MAPK10: variants seen among roughly 807,000 people sequenced by gnomAD.
The protein encoded by MAPK10 is JNK3 alpha protein kinase.
A neutral mutation model predicts 59.3 loss-of-function variants in MAPK10; 25 were observed. The observed-to-expected ratio is 0.42, with a 90% confidence interval of 0.31 to 0.59. The LOEUF (loss-of-function observed/expected upper bound fraction) is 0.59, where lower values mean the gene tolerates loss of function less well. MAPK10 is among the 20% of genes least tolerant of loss of function. The pLI is 0.15. For synonymous variants in MAPK10, 190 were observed against 200.5 expected (o/e 0.95, Z 0.44); for missense variants, 351 against 568.9 (o/e 0.62, Z 3.90).
chr4:86,140,082 G>A (rs1265947815), intron 4 of MAPK10, among the ~76,000 whole-genome samples: 2 of 116,276 alleles, frequency 1.7e-5, no homozygotes, highest in Non-Finnish European at 3.5e-5. Flanking sequence ...TACACTGTTG[G>A]TGGGACTGTA....
intron 1 of MAPK10, among the ~76,000 whole-genome samples, chr4:86,548,754 G>C (rs1759503596): frequency 1.3e-5 from 2 of 152,142 alleles, no homozygotes; most frequent in African/African-American, 4.8e-5. Flanking sequence ...GGTACTCTCA[G>C]TGCCACTCTG....
At chr4:86,223,253 T>C (rs1025320598) in intron 2 of MAPK10, among the ~76,000 whole-genome samples, 1 of 152,164 alleles carries the variant, frequency 6.6e-6, no homozygotes, top group Admixed American at 6.5e-5. Flanking sequence ...TCTGCCCAAA[T>C]TTGCAGTACA....
intron 2 of MAPK10, among the ~76,000 whole-genome samples, chr4:86,229,862 C>T (rs780681795): frequency 1.1e-4 from 16 of 151,974 alleles, no homozygotes; most frequent in Non-Finnish European, 1.9e-4. Flanking sequence ...TCAATACCAG[C>T]CTGGGCAACA....
At chr4:86,578,082 A>C (rs1352656728) in intron 1 of MAPK10, among the ~76,000 whole-genome samples, 1 of 152,080 alleles carries the variant, frequency 6.6e-6, no homozygotes, top group Non-Finnish European at 1.5e-5. Context: ...AAACACAGAA[A>C]ATTTAGTTAA....
At chr4:86,084,586 T>TA (rs1389937429) in intron 9 of MAPK10, among the ~76,000 whole-genome samples, 4 of 151,910 alleles carry the variant, frequency 2.6e-5, no homozygotes, top group East Asian at 1.9e-4. Flanking sequence ...AAAACACTGA[T>TA]AAAAAAATTG....
chr4:86,355,804 A>G lies in MAPK10; in HGVS notation c.-121-1160T>C, dbSNP rs560393603. On this transcript the variant is annotated intron_variant, in intron 1 of 13. Coordinates refer to ENST00000641462, the MANE Select transcript of MAPK10 (RefSeq NM_138982.4). ...TTCCGCCTACAAACACTGAATAAAC[A>G]TTGCCAAATAAACAGACCTAACCTA... 8.4e-4 allele frequency among the ~76,000 whole-genome samples: 128 copies of G among 152,314 alleles called. 3 individuals carry two copies. In the South Asian group the frequency reaches 0.026, roughly 31 times the overall value.
At chr4:86,548,932 CCGACTAAATATA>C (rs930077172) in intron 1 of MAPK10, among the ~76,000 whole-genome samples, 46 of 152,076 alleles carry the variant, frequency 3.0e-4, no homozygotes, top group African/African-American at 1.0e-3. Context: ...ACTGTAAGGC[CCGACTAAATATA>C]CGTTTTCACT....
At chr4:86,469,261 C>CAAA (rs1230601730) in intron 1 of MAPK10, among the ~76,000 whole-genome samples, 3 of 152,008 alleles carry the variant, frequency 2.0e-5, no homozygotes, top group Non-Finnish European at 2.9e-5. Flanking sequence ...AAAAACAAAA[C>CAAA]AAAACAGAAC....
At chr4:86,198,789 A>G (rs1299853413) in intron 2 of MAPK10, among the ~76,000 whole-genome samples, 2 of 151,772 alleles carry the variant, frequency 1.3e-5, no homozygotes, top group Non-Finnish European at 2.9e-5. Context: ...AAAGTAGTCC[A>G]CATGTTTGAA....
At chr4:86,296,880 C>G (rs1157176102) in intron 2 of MAPK10, among the ~76,000 whole-genome samples, 2 of 152,164 alleles carry the variant, frequency 1.3e-5, no homozygotes, top group East Asian at 3.9e-4. Context: ...TTCCTAGGAC[C>G]TTCTGCTTTC....
At chr4:86,358,067 A>G in intron 1 of MAPK10, 1 of 985,170 alleles carries the variant, frequency 1.0e-6, no homozygotes, top group Non-Finnish European at 1.2e-6. Context: ...CAAGGTAGAG[A>G]AGGAAATACA....
At chr4:86,174,027 T>C (rs1008266485) in intron 3 of MAPK10, among the ~76,000 whole-genome samples, 5 of 145,496 alleles carry the variant, frequency 3.4e-5, no homozygotes, top group Non-Finnish European at 7.5e-5. Context: ...TTGGTGGGAA[T>C]ATAAATTACT....
intron 3 of MAPK10, among the ~76,000 whole-genome samples, chr4:86,179,522 A>G (rs2076433603): frequency 6.6e-6 from 1 of 152,148 alleles, no homozygotes. Flanking sequence ...TGGAACCACA[A>G]AAGGCCCCAA....
intron 4 of MAPK10, among the ~76,000 whole-genome samples, chr4:86,135,673 C>T (rs866980672): frequency 6.6e-6 from 1 of 152,118 alleles, no homozygotes; most frequent in Non-Finnish European, 1.5e-5. Context: ...AGCAACGGAA[C>T]AAAGCTGGAT....
chr4:86,135,036 T>C (rs2061684627), intron 4 of MAPK10, among the ~76,000 whole-genome samples: 7 of 152,150 alleles, frequency 4.6e-5, no homozygotes, highest in Admixed American at 4.6e-4. Context: ...GAGGGTCCTA[T>C]GCCCAAGGAG....
At chr4:86,286,453 C>T (rs1584089493) in intron 2 of MAPK10, among the ~76,000 whole-genome samples, 2 of 152,276 alleles carry the variant, frequency 1.3e-5, no homozygotes, top group East Asian at 3.9e-4. Context: ...ATGTGTAGCA[C>T]TTGCTCTGTG....
At chr4:86,374,877 T>C (rs181118566) in intron 1 of MAPK10, among the ~76,000 whole-genome samples, 4 of 152,340 alleles carry the variant, frequency 2.6e-5, no homozygotes, top group African/African-American at 9.6e-5. Context: ...GAAGACGTCA[T>C]CTATAGAAAT....
At chr4:86,456,129 T>A (rs894589610), upstream of MAPK10, among the ~76,000 whole-genome samples, 3 of 152,162 alleles carry the variant, frequency 2.0e-5, no homozygotes, top group African/African-American at 7.2e-5. Flanking sequence ...TGACACAACC[T>A]TTCAAAACCT....
At chr4:86,512,955 C>A (rs1027651345) in intron 1 of MAPK10, among the ~76,000 whole-genome samples, 2 of 152,204 alleles carry the variant, frequency 1.3e-5, no homozygotes, top group African/African-American at 4.8e-5. Flanking sequence ...ACTCTTACCT[C>A]TCTTAATGCC....
Sources: gnomAD v4.1 joint callset for allele counts (sites outside exome capture counted in the v4.1 genomes callset) on GRCh38, gnomAD v4.1.1 for gene constraint, MANE v1.5 for transcripts, NCBI Gene and HGNC (gene_info 2026-07-23, HGNC 2026-07-21) for gene names.